The following VRK2 variants were observed in gnomAD, a reference collection of about 807,000 sequenced individuals.
VRK2 encodes the protein serine/threonine-protein kinase VRK2.
In VRK2, 60 loss-of-function variants were observed where a neutral mutation model predicts 57.6. That is an observed-to-expected ratio of 1.04 (90% CI 0.85 to 1.29). VRK2 has a LOEUF of 1.29. Among genes scored for constraint, VRK2 ranks in the 50% most tolerant of loss-of-function variants. The pLI is 0.00. For synonymous variants in VRK2, 231 were observed against 199.2 expected, an observed-to-expected ratio of 1.16 and a Z score of -1.35; for missense variants, 705 against 588.1, an observed-to-expected ratio of 1.20 and a Z score of -2.06.
intron 1 of VRK2, chr2:58,025,624 T>C (rs1558546545): frequency 6.6e-6 from 1 of 152,250 alleles, no homozygotes; most frequent in Non-Finnish European, 1.5e-5. Context: ...GACTTAGTTC[T>C]GACAGAGAAC....
chr2:57,992,641 A>G (rs1672803202), intron 1 of VRK2, among the ~76,000 whole-genome samples: 1 of 151,806 alleles, frequency 6.6e-6, no homozygotes, highest in African/African-American at 2.4e-5. Context: ...GGTTCACGCC[A>G]TTCTCCTGCC....
rs1190098632 is a variant in VRK2 at position 58,088,453 on chromosome 2, A to G, written c.450+7A>G. 1 of 1,588,678 alleles carries G rather than the reference A, an allele frequency of 6.3e-7. No individual in the cohort carries two copies. The highest frequency in any genetic ancestry group is 1.1e-5 in the South Asian group (1 of 89,562). On this transcript the variant is annotated splice_region_variant and intron_variant, in intron 6 of 12. Transcript: ENST00000340157. ...GCAATTAGGTATCCGAATGGTAAGA[A>G]TTACTTATTTCGCATGCTCCATTTC... is the stretch of plus-strand genomic sequence containing the variant.
intron 7 of VRK2, among the ~76,000 whole-genome samples, chr2:58,108,147 CTCT>C (rs1441228565): frequency 6.6e-6 from 1 of 152,100 alleles, no homozygotes; most frequent in Non-Finnish European, 1.5e-5. Flanking sequence ...TCTCTCCTTC[CTCT>C]TCTTACTCTC....
intron 9 of VRK2, among the ~76,000 whole-genome samples, chr2:58,133,264 C>T (rs943724975): frequency 6.6e-5 from 10 of 152,060 alleles, no homozygotes; most frequent in Non-Finnish European, 1.5e-4. Context: ...TATTATTTTA[C>T]ATGTATAATG....
At chr2:58,010,901 GC>G (rs1424113471) in intron 1 of VRK2, among the ~76,000 whole-genome samples, 2 of 152,094 alleles carry the variant, frequency 1.3e-5, no homozygotes, top group Non-Finnish European at 2.9e-5. Flanking sequence ...ACAGGGCCTG[GC>G]CCTGTGTAAG....
chr2:57,969,356 G>A (rs1558518240), intron 1 of VRK2, among the ~76,000 whole-genome samples: 1 of 151,710 alleles, frequency 6.6e-6, no homozygotes, highest in Non-Finnish European at 1.5e-5. Context: ...AATGGTTTTG[G>A]AAATCAAACA....
intron 7 of VRK2, among the ~76,000 whole-genome samples, chr2:58,122,702 T>TATC (rs1431250243): frequency 6.6e-6 from 1 of 152,138 alleles, no homozygotes; most frequent in Non-Finnish European, 1.5e-5. Context: ...TGTTTGCTCT[T>TATC]ATCTCCCCTT....
intron 2 of VRK2, among the ~76,000 whole-genome samples, chr2:58,073,501 C>T (rs2104008557): frequency 6.6e-6 from 1 of 151,916 alleles, no homozygotes; most frequent in East Asian, 1.9e-4. Flanking sequence ...GTAGTATATA[C>T]ACACTAAGGA....
At chr2:58,052,858 C>G (rs927947624) in intron 2 of VRK2, among the ~76,000 whole-genome samples, 1 of 152,110 alleles carries the variant, frequency 6.6e-6, no homozygotes, top group African/African-American at 2.4e-5. Flanking sequence ...GATATTAAAG[C>G]TATTGGTTTC....
intron 1 of VRK2, among the ~76,000 whole-genome samples, chr2:57,985,641 A>G (rs1303283332): frequency 6.6e-6 from 1 of 152,146 alleles, no homozygotes; most frequent in African/African-American, 2.4e-5. Context: ...TAAGATCAGA[A>G]CCAAAATAAG....
intron 1 of VRK2, among the ~76,000 whole-genome samples, chr2:58,011,721 A>T (rs192827959): frequency 3.9e-4 from 59 of 152,332 alleles, no homozygotes; most frequent in African/African-American, 1.3e-3. Context: ...GTTAATACAC[A>T]GGGAAAACCA....
intron 7 of VRK2, among the ~76,000 whole-genome samples, chr2:58,107,810 T>TCTGC (rs1426015661): frequency 4.3e-4 from 66 of 152,172 alleles, no homozygotes; most frequent in Non-Finnish European, 1.5e-5. Flanking sequence ...TGCTTCTTTC[T>TCTGC]CTGCCAGCTC....
At chr2:58,046,440 G>C (rs1376238984), upstream of VRK2, 23 of 965,962 alleles carry the variant, frequency 2.4e-5, no homozygotes, top group Non-Finnish European at 2.8e-5. Context: ...GTAAGGACTA[G>C]CCATTTGGAA....
intron 7 of VRK2, among the ~76,000 whole-genome samples, chr2:58,116,090 T>C (rs1676427241): frequency 6.6e-6 from 1 of 152,072 alleles, no homozygotes; most frequent in African/African-American, 2.4e-5. Context: ...AGTTTATAGG[T>C]TTTAGAAGCC....
At position 58,046,845 on chromosome 2, in the gene VRK2, G is replaced by C; in HGVS notation, c.-29G>C. 2.0e-6 allele frequency: 2 copies of C among 985,398 alleles called. No homozygotes were observed. Among genetic ancestry groups the C allele is most frequent in the South Asian group, 4.7e-5 (1 of 21,294 alleles). The allele number at this position is 985,398 out of a possible 1,614,324, so 61.0% of individuals were successfully genotyped here. On this transcript the variant is annotated 5_prime_UTR_variant, in exon 1 of 13. Coordinates refer to ENST00000340157, the MANE Select transcript of VRK2 (RefSeq NM_006296.7). ...AGGTAGGAGGCGGTGCGCGCGGCCC[G>C]GCGACGGGGGATCCTGAGGCCCGGT...
intron 7 of VRK2, among the ~76,000 whole-genome samples, chr2:58,102,874 A>C (rs1336115838): frequency 1.3e-5 from 2 of 151,770 alleles, no homozygotes; most frequent in African/African-American, 4.8e-5. Flanking sequence ...AATCAAAATC[A>C]TATCAAGTGT....
intron 3 of VRK2, among the ~76,000 whole-genome samples, chr2:58,036,882 C>A (rs2103709994): frequency 6.6e-6 from 1 of 152,124 alleles, no homozygotes; most frequent in South Asian, 2.1e-4. Context: ...CTAAGGAGCA[C>A]TTGAAACATA....
intron 1 of VRK2, among the ~76,000 whole-genome samples, chr2:58,023,082 C>T (rs1673812565): frequency 6.6e-6 from 1 of 152,140 alleles, no homozygotes; most frequent in Admixed American, 6.5e-5. Flanking sequence ...CATCTCGAGA[C>T]CTTTTTCATC....
At chr2:58,139,537 G>C in intron 10 of VRK2, 129 bp from the exon 11 acceptor site, 1 of 752,754 alleles carries the variant, frequency 1.3e-6, no homozygotes, top group South Asian at 2.2e-5. Flanking sequence ...TCATTGAATT[G>C]TTCATTTTTA....
Sources: allele counts gnomAD v4.1 joint callset (sites outside exome capture counted in the v4.1 genomes callset), GRCh38; gene constraint gnomAD v4.1.1; transcripts MANE v1.5; gene names NCBI Gene and HGNC (gene_info 2026-07-23, HGNC 2026-07-21).